Variants in ATL2 observed in about 807,000 individuals in gnomAD.
ATL2 encodes atlastin GTPase 2, also known as atlastin-2.
Under a neutral mutation model 73.9 loss-of-function variants are expected in ATL2, and 31 were observed. The observed-to-expected ratio is 0.42, with a 90% CI of 0.32 to 0.57. ATL2 has a LOEUF of 0.57. ATL2 is among the 20% of genes least tolerant of loss of function. The probability of loss-of-function intolerance (pLI) is 0.14; values close to 1 mark genes in which losing one functional copy is unlikely to be tolerated. For synonymous variants in ATL2, 291 were observed against 237.5 expected (o/e 1.23, Z -2.07); for missense variants, 738 against 702.6 (o/e 1.05, Z -0.57).
intron 2 of ATL2, among the ~76,000 whole-genome samples, chr2:38,334,892 A>AATATATTATTTATAATATATAAATATATT (rs1553336548): frequency 6.2e-5 from 7 of 113,406 alleles, no homozygotes; most frequent in South Asian, 4.6e-4. Flanking sequence ...ATAATATATA[A>AATATATTATTTATAATATATAAATATATT]TATATATTAT....
intron 9 of ATL2, among the ~76,000 whole-genome samples, chr2:38,301,454 C>A (rs1407277975): frequency 1.3e-5 from 2 of 152,222 alleles, no homozygotes; most frequent in African/African-American, 4.8e-5. Flanking sequence ...GTTTTAACTT[C>A]AGATCACTGA....
chr2:38,321,515 C>G (rs968237011), intron 2 of ATL2, among the ~76,000 whole-genome samples: 1 of 152,026 alleles, frequency 6.6e-6, no homozygotes, highest in Non-Finnish European at 1.5e-5. Flanking sequence ...TGATCCTGCC[C>G]CTTGACTACA....
chr2:38,310,216 A>G (rs1228520876), intron 8 of ATL2, 93 bp downstream of exon 8: 2 of 1,397,734 alleles, frequency 1.4e-6, no homozygotes, highest in Non-Finnish European at 2.0e-6. Flanking sequence ...TCTCCAGTAT[A>G]AGACAGGACA....
At chr2:38,355,541 A>C (rs999957083) in intron 1 of ATL2, among the ~76,000 whole-genome samples, 2 of 152,200 alleles carry the variant, frequency 1.3e-5, no homozygotes, top group Non-Finnish European at 2.9e-5. Context: ...GTAGCTACAT[A>C]AACATCAAAG....
At chr2:38,363,455 TACAGTCAGCAAATCATTTAC>T (rs1191000694) in intron 1 of ATL2, among the ~76,000 whole-genome samples, 1 of 152,142 alleles carries the variant, frequency 6.6e-6, no homozygotes, top group East Asian at 1.9e-4. Context: ...TATGTATTTA[TACAGTCAGCAAATCATTTAC>T]ACAGTCTCCC....
chr2:38,338,581 C>T (rs954182180), intron 2 of ATL2, among the ~76,000 whole-genome samples: 2 of 152,160 alleles, frequency 1.3e-5, no homozygotes, highest in Non-Finnish European at 1.5e-5. Flanking sequence ...CTCTTCCCAA[C>T]AGAAGAATCC....
intron 2 of ATL2, among the ~76,000 whole-genome samples, chr2:38,329,469 C>CCAAAAGAAGGATTTA (rs1668861074): frequency 8.0e-6 from 1 of 124,748 alleles, no homozygotes; most frequent in African/African-American, 3.0e-5. Context: ...AAATAACCTT[C>CCAAAAGAAGGATTTA]CAAAAGAAGG....
At chr2:38,315,180 G>A in intron 5 of ATL2, 104 bp downstream of exon 5, 1 of 1,153,272 alleles carries the variant, frequency 8.7e-7, no homozygotes, top group Non-Finnish European at 1.1e-6. Flanking sequence ...GAACTTGGGA[G>A]GGGGAGGTTG....
chr2:38,341,741 T>G (rs183878375), intron 2 of ATL2, among the ~76,000 whole-genome samples: 40 of 152,312 alleles, frequency 2.6e-4, no homozygotes, highest in Admixed American at 2.4e-3. Flanking sequence ...ACTATGCTAT[T>G]GATACTCAGG....
chr2:38,317,628 A>G (rs1203946881), intron 4 of ATL2, among the ~76,000 whole-genome samples: 1 of 152,224 alleles, frequency 6.6e-6, no homozygotes, highest in Non-Finnish European at 1.5e-5. Flanking sequence ...TTTAGTTCAA[A>G]TAACTGAGTA....
At chr2:38,326,311 C>T (rs6745929) in intron 2 of ATL2, among the ~76,000 whole-genome samples, 59,814 of 152,030 alleles carry the variant, frequency 0.39, 14,102 homozygotes, top group African/African-American at 0.67. Context: ...ACGTTAAACA[C>T]AGCCCATCTC....
chr2:38,318,190 G>T (rs13400785), intron 4 of ATL2: 57,669 of 173,742 alleles, frequency 0.33, 9,927 homozygotes, highest in South Asian at 0.47. Flanking sequence ...TTTCAAGAGG[G>T]GCAAATGCCA....
At chr2:38,315,641 T>C (rs919750312) in intron 4 of ATL2, among the ~76,000 whole-genome samples, 23 of 152,174 alleles carry the variant, frequency 1.5e-4, no homozygotes, top group Non-Finnish European at 2.6e-4. Context: ...ACTCCTTCTC[T>C]AAGCTCTTTA....
At chr2:38,348,146 T>C (rs1286967446) in intron 1 of ATL2, among the ~76,000 whole-genome samples, 1 of 152,024 alleles carries the variant, frequency 6.6e-6, no homozygotes, top group East Asian at 1.9e-4. Flanking sequence ...GAGTATTAAG[T>C]ATACGTAACA....
intron 1 of ATL2, among the ~76,000 whole-genome samples, chr2:38,373,630 T>TA (rs150535031): frequency 1.3e-5 from 2 of 152,206 alleles, no homozygotes; most frequent in Non-Finnish European, 2.9e-5. Context: ...GGTGGCTACT[T>TA]AAATACACAC....
intron 2 of ATL2, among the ~76,000 whole-genome samples, chr2:38,342,999 A>G (rs1669811438): frequency 6.6e-6 from 1 of 151,068 alleles, no homozygotes; most frequent in Non-Finnish European, 1.5e-5. Flanking sequence ...AGTTTTTTTA[A>G]GAGTTGGGCA....
chr2:38,296,566 T>C (rs1432701190), intron 12 of ATL2: 1 of 1,614,074 alleles, frequency 6.2e-7, no homozygotes, highest in East Asian at 2.2e-5. Flanking sequence ...CGACGTCTAG[T>C]AACTTCAAAC....
intron 2 of ATL2, among the ~76,000 whole-genome samples, chr2:38,337,896 A>T (rs1669466373): frequency 6.6e-6 from 1 of 152,172 alleles, no homozygotes; most frequent in African/African-American, 2.4e-5. Context: ...TATCTAGGAG[A>T]ATTTAGTAAT....
rs1341444628 is a variant in ATL2 at position 38,325,686 on chromosome 2, A to AG, written c.364-6668_364-6667insC. Among the ~76,000 whole-genome samples the AG allele has an allele frequency of 1.1e-4, 8 of 75,256 alleles. 1 individual carries two copies. Among genetic ancestry groups the AG allele is most frequent in the Non-Finnish European group, 1.1e-4 (5 of 45,564 alleles). The allele number at this position is 75,256 out of a possible 152,430, so 49.4% of individuals were successfully genotyped here. ...TACACACACACACACACACACACACACACACACACCAGTACACACACACAC... is the reference window on the plus strand; with the variant it reads ...TACACACACACACACACACACACACAGCACACACACCAGTACACACACACAC... On this transcript the variant is annotated intron_variant, in intron 2 of 12. Transcript: ENST00000378954.
Sources: gnomAD v4.1 joint callset for allele counts (sites outside exome capture counted in the v4.1 genomes callset) on GRCh38, gnomAD v4.1.1 for gene constraint, MANE v1.5 for transcripts, NCBI Gene and HGNC (gene_info 2026-07-23, HGNC 2026-07-21) for gene names.